ZDHHC15: variants seen among roughly 807,000 people sequenced by gnomAD.
The protein encoded by ZDHHC15 is palmitoyltransferase ZDHHC15.
ZDHHC15 carries 19 observed loss-of-function variants against 31.7 expected under a neutral mutation model. That is an observed-to-expected ratio of 0.60 (90% confidence interval 0.42 to 0.88). The LOEUF is 0.88. Among genes scored for constraint, ZDHHC15 ranks in the 40% least tolerant of loss-of-function variants. The pLI is 0.00. For missense variants in ZDHHC15, 209 were observed against 251.2 expected (o/e 0.83, Z 1.14); for synonymous variants, 103 against 90.0 (o/e 1.14, Z -0.82).
Position 75,447,882 on chromosome X carries a change from C to T in ZDHHC15, c.379+2920G>A, listed in dbSNP as rs749915707. Among the ~76,000 whole-genome samples the T allele has an allele frequency of 3.6e-5, 4 of 111,575 alleles. No individual in the cohort carries two copies. In the East Asian group the frequency reaches 1.1e-3, roughly 32 times the overall value. On this transcript the variant is annotated intron_variant, in intron 4 of 11. Coordinates refer to ENST00000373367, the MANE Select transcript of ZDHHC15 (RefSeq NM_144969.3). ...TCCTCGTATCTCTGAATCAACAGGA[C>T]AAGAGGCAGGTGCAATGTTGGCTGG...
chrX:75,387,598 C>G (rs1569306094), intron 10 of ZDHHC15, among the ~76,000 whole-genome samples: 1 of 111,312 alleles, frequency 9.0e-6, no homozygotes, highest in Non-Finnish European at 1.9e-5. Context: ...CAAAGAAAAC[C>G]TTTTTGAAAA....
At chrX:75,401,348 A>T (rs1389528736) in intron 10 of ZDHHC15, among the ~76,000 whole-genome samples, 1 of 111,914 alleles carries the variant, frequency 8.9e-6, no homozygotes, top group Non-Finnish European at 1.9e-5. Context: ...CCAACATAAC[A>T]ACCAGCTAAT....
chrX:75,492,274 C>G (rs1032287609), intron 2 of ZDHHC15, among the ~76,000 whole-genome samples: 3 of 111,614 alleles, frequency 2.7e-5, no homozygotes, highest in Admixed American at 9.5e-5. Context: ...CACCCAGATT[C>G]ATGAAGCAAG....
chrX:75,505,742 T>C, intron 2 of ZDHHC15, 79 bp downstream of exon 2: 2 of 1,127,480 alleles, frequency 1.8e-6, no homozygotes, highest in Non-Finnish European at 2.4e-6. Flanking sequence ...TTGCTCGGTC[T>C]ATAGGCTTTT....
chrX:75,498,212 C>T lies in ZDHHC15; in HGVS notation c.163+7609G>A, dbSNP rs193233818. 3.5e-3 allele frequency among the ~76,000 whole-genome samples: 385 copies of T among 110,741 alleles called. 1 individual carries two copies. Among genetic ancestry groups the T allele is most frequent in the Admixed American group, 6.1e-3 (63 of 10,367 alleles). ...CCTCCCAAAGTGCTGGGATTACAGGCGTGAGCCACCGTGCCTGGCCACCCA... is the reference window on the plus strand; with the variant it reads ...CCTCCCAAAGTGCTGGGATTACAGGTGTGAGCCACCGTGCCTGGCCACCCA... On this transcript the variant is annotated intron_variant, in intron 2 of 11. Coordinates refer to ENST00000373367, the MANE Select transcript of ZDHHC15 (RefSeq NM_144969.3).
chrX:75,432,634 AC>A (rs765848554), intron 4 of ZDHHC15, among the ~76,000 whole-genome samples: 309 of 111,366 alleles, frequency 2.8e-3, no homozygotes, highest in Non-Finnish European at 3.7e-3. Context: ...CTGCTTTCAT[AC>A]TTGCCCCTCA....
chrX:75,483,001 G>GTA lies in ZDHHC15; in HGVS notation c.164-4018_164-4017dup, dbSNP rs60535826. 3.9e-3 allele frequency among the ~76,000 whole-genome samples: 384 copies of GTA among 99,489 alleles called. 1 individual carries two copies. The highest frequency in any genetic ancestry group is 0.011 in the African/African-American group (289 of 27,416). The allele number at this position is 99,489 out of a possible 115,157, so 86.4% of individuals were successfully genotyped here. On this transcript the variant is annotated intron_variant, in intron 2 of 11. Coordinates refer to ENST00000373367, the MANE Select transcript of ZDHHC15 (RefSeq NM_144969.3). ...CATGTATGTATATGTGTGTGTATGTGTATATATATATATATGTATATATAT... is the reference window on the plus strand; with the variant it reads ...CATGTATGTATATGTGTGTGTATGTGTATATATATATATATATGTATATATAT...
chrX:75,466,115 C>T (rs2084401093), intron 3 of ZDHHC15, among the ~76,000 whole-genome samples: 1 of 111,061 alleles, frequency 9.0e-6, no homozygotes, highest in African/African-American at 3.3e-5. Flanking sequence ...AACAAACAAC[C>T]CCAGTAAAAA....
chrX:75,428,755 A>G (rs1482924950), intron 7 of ZDHHC15, among the ~76,000 whole-genome samples: 1 of 111,851 alleles, frequency 8.9e-6, no homozygotes, highest in Non-Finnish European at 1.9e-5. Flanking sequence ...TTTCAAATCT[A>G]TAACTGGTAG....
intron 1 of ZDHHC15, among the ~76,000 whole-genome samples, chrX:75,514,741 C>T (rs2085329142): frequency 9.0e-6 from 1 of 111,670 alleles, no homozygotes; most frequent in African/African-American, 3.3e-5. Context: ...GAGATTATAT[C>T]CCATGCAAGG....
At chrX:75,379,379 C>A (rs1294534877) in intron 10 of ZDHHC15, among the ~76,000 whole-genome samples, 181 bp from the exon 11 acceptor site, 3 of 112,236 alleles carry the variant, frequency 2.7e-5, no homozygotes, top group Non-Finnish European at 5.6e-5. Context: ...TAAGAATAGT[C>A]AGCCTGCTAT....
Position 75,424,597 on chromosome X carries a change from G to C in ZDHHC15, c.736+55C>G. On this transcript the variant is annotated intron_variant, in intron 8 of 11. Coordinates refer to ENST00000373367, the MANE Select transcript of ZDHHC15 (RefSeq NM_144969.3). ...AAGTTTTAATTGGGAACAATTCACA[G>C]GTCCCTCTGATACACATTAATATGT... 6 of 1,102,587 alleles carry C rather than the reference G, an allele frequency of 5.4e-6. No homozygotes were observed. The South Asian group carries it at 1.0e-4, about 19-fold the overall frequency. The allele number at this position is 1,102,587 out of a possible 1,213,427, so 90.9% of individuals were successfully genotyped here.
chrX:75,381,668 G>T lies in ZDHHC15; in HGVS notation c.968-2470C>A, dbSNP rs1294406925. ...AGTCTATAAAACCCTCTATCATCTG[G>T]CCGTATCTTACCTCTCTAAGACTGT... is the stretch of plus-strand genomic sequence containing the variant. On this transcript the variant is annotated intron_variant, in intron 10 of 11. Coordinates refer to ENST00000373367, the MANE Select transcript of ZDHHC15 (RefSeq NM_144969.3). Among the ~76,000 whole-genome samples, 6 of 111,070 alleles carry T rather than the reference G, an allele frequency of 5.4e-5. No individual in the cohort carries two copies. In the East Asian group the frequency reaches 1.7e-3, roughly 31 times the overall value.
intron 10 of ZDHHC15, chrX:75,384,511 T>G (rs1424508743): frequency 2.7e-6 from 2 of 744,002 alleles, no homozygotes; most frequent in Admixed American, 4.5e-5. Context: ...GCCCCACAAG[T>G]GTTACCATGG....
intron 4 of ZDHHC15, among the ~76,000 whole-genome samples, chrX:75,442,757 C>T (rs1331991128): frequency 7.3e-5 from 8 of 110,128 alleles, no homozygotes; most frequent in Non-Finnish European, 1.1e-4. Context: ...GAGGCCGAGG[C>T]GGGTGGATCA....
chrX:75,414,248 T>G (rs2083519168), intron 10 of ZDHHC15, among the ~76,000 whole-genome samples: 1 of 110,700 alleles, frequency 9.0e-6, no homozygotes, highest in African/African-American at 3.3e-5. Context: ...ACCTTTTATT[T>G]TCAAAAATGA....
At chrX:75,514,486 C>T (rs191703009) in intron 1 of ZDHHC15, among the ~76,000 whole-genome samples, 100 of 111,772 alleles carry the variant, frequency 8.9e-4, no homozygotes, top group African/African-American at 3.1e-3. Context: ...ACACAGAAGA[C>T]AGGTGACTTC....
At chrX:75,508,580 C>T (rs1303782472) in intron 1 of ZDHHC15, among the ~76,000 whole-genome samples, 1 of 109,642 alleles carries the variant, frequency 9.1e-6, no homozygotes, top group Non-Finnish European at 1.9e-5. Context: ...CAAGTCTTTG[C>T]TATTGTGAAT....
chrX:75,395,561 G>T (rs777718339), intron 10 of ZDHHC15, among the ~76,000 whole-genome samples: 3 of 111,822 alleles, frequency 2.7e-5, no homozygotes, highest in Admixed American at 1.9e-4. Flanking sequence ...CAAAAAAATA[G>T]AAAGATATTC....
Sources: allele counts gnomAD v4.1 joint callset (sites outside exome capture counted in the v4.1 genomes callset), GRCh38; gene constraint gnomAD v4.1.1; transcripts MANE v1.5; gene names NCBI Gene and HGNC (gene_info 2026-07-23, HGNC 2026-07-21).